EIPR1: variants seen among roughly 807,000 people sequenced by gnomAD.
EIPR1 encodes EARP complex and GARP complex interacting protein 1, also known as EARP and GARP complex-interacting protein 1.
Under a neutral mutation model 48.1 loss-of-function variants are expected in EIPR1, and 25 were observed. The observed-to-expected ratio is 0.52, with a 90% CI of 0.38 to 0.73. The LOEUF is 0.73. Among genes scored for constraint, EIPR1 ranks in the 30% least tolerant of loss-of-function variants. The probability of loss-of-function intolerance (pLI) is 0.00; values close to 1 mark genes in which losing one functional copy is unlikely to be tolerated. For missense variants in EIPR1, 415 were observed against 506.2 expected (o/e 0.82, Z 1.73); for synonymous variants, 204 against 201.9 (o/e 1.01, Z -0.09).
chr2:3,334,182 A>G (rs931599034), intron 3 of EIPR1, among the ~76,000 whole-genome samples: 1 of 152,244 alleles, frequency 6.6e-6, no homozygotes, highest in Non-Finnish European at 1.5e-5. Context: ...CCACCAGCCC[A>G]GGCACCGGCA....
chr2:3,325,702 C>A (rs1185965665), intron 3 of EIPR1, among the ~76,000 whole-genome samples: 1 of 152,200 alleles, frequency 6.6e-6, no homozygotes, highest in Non-Finnish European at 1.5e-5. Context: ...TGAAGGGACC[C>A]TCCACAAGCC....
intron 3 of EIPR1, 74 bp downstream of exon 3, chr2:3,337,943 C>G (rs1207903652): frequency 6.7e-7 from 1 of 1,493,474 alleles, no homozygotes; most frequent in Non-Finnish European, 9.0e-7. Flanking sequence ...GACCCATTAG[C>G]AATACAAAAC....
intron 3 of EIPR1, among the ~76,000 whole-genome samples, chr2:3,261,001 T>C (rs1270738486): frequency 6.6e-6 from 1 of 152,218 alleles, no homozygotes; most frequent in Admixed American, 6.5e-5. Flanking sequence ...GACCCAATAA[T>C]TCCACTCTTA....
chr2:3,194,000 A>G lies in EIPR1; in HGVS notation c.820T>C (p.Trp274Arg). Residue 274 changes from tryptophan (W) to arginine (R), a missense_variant and splice_region_variant, in exon 7 of 9, where the codon TGG (tryptophan) becomes CGG (arginine). By Grantham distance (101) the Trp-to-Arg change is moderately radical (BLOSUM62 -3). Transcript: ENST00000382125. Reference protein sequence around the residue: ...PVKTLEEHSHWVWNVRYNHSH... With the variant: ...PVKTLEEHSHRVWNVRYNHSH... ...TGAAGCAGCCAGGAGCGGCCCTACC[A>G]GTGGGAGTGCTCCTCCAGGGTCTTC... is the stretch of plus-strand genomic sequence containing the variant. The G allele has an allele frequency of 1.2e-6, 2 of 1,613,588 alleles. No homozygotes were observed. The highest frequency in any genetic ancestry group is 1.7e-6 in the Non-Finnish European group (2 of 1,179,956).
chr2:3,337,465 G>A (rs1670102291), intron 3 of EIPR1, among the ~76,000 whole-genome samples: 1 of 152,130 alleles, frequency 6.6e-6, no homozygotes, highest in Admixed American at 6.5e-5. Context: ...ACTCATTGAC[G>A]ATGACCAAAC....
chr2:3,348,925 C>T (rs766350684), intron 2 of EIPR1, among the ~76,000 whole-genome samples: 3 of 152,228 alleles, frequency 2.0e-5, no homozygotes, highest in Non-Finnish European at 4.4e-5. Context: ...GCCTTCCCGG[C>T]GTCTCTCCTG....
At chr2:3,246,161 A>G (rs1666787272) in intron 4 of EIPR1, among the ~76,000 whole-genome samples, 1 of 152,172 alleles carries the variant, frequency 6.6e-6, no homozygotes, top group Admixed American at 6.5e-5. Flanking sequence ...ACTCTCCTTA[A>G]TAGCAGAATC....
At position 3,305,456 on chromosome 2, in the gene EIPR1, T is replaced by TC. The variant is rs1336833100; in HGVS notation, c.259+32560dup. ...ACTCCCGTCCTGTTCAGCCCTCCAATCCCGTCCAGTTCAACCCTCCACTCC... is the reference window on the plus strand; with the variant it reads ...ACTCCCGTCCTGTTCAGCCCTCCAATCCCCGTCCAGTTCAACCCTCCACTCC... On this transcript the variant is annotated intron_variant, in intron 3 of 8. Coordinates refer to ENST00000382125, the MANE Select transcript of EIPR1 (RefSeq NM_003310.5). Among the ~76,000 whole-genome samples, 3 of 139,146 alleles carry TC rather than the reference T, an allele frequency of 2.2e-5. No individual in the cohort carries two copies. In the East Asian group the frequency reaches 6.5e-4, roughly 30 times the overall value. 91.3% of individuals were successfully genotyped at this position (139,146 alleles called of 152,430 possible). A position where few individuals can be genotyped will look rare whatever the true frequency, so the allele number is the denominator to read the frequency against.
chr2:3,220,258 AT>A (rs1241087458), intron 4 of EIPR1, among the ~76,000 whole-genome samples: 1 of 152,184 alleles, frequency 6.6e-6, no homozygotes, highest in Non-Finnish European at 1.5e-5. Context: ...ATTCTAGAGC[AT>A]TTATAGAGTC....
At chr2:3,236,381 G>A (rs1408297677) in intron 4 of EIPR1, among the ~76,000 whole-genome samples, 1 of 152,172 alleles carries the variant, frequency 6.6e-6, no homozygotes, top group Non-Finnish European at 1.5e-5. Context: ...GCCTGGCCCA[G>A]GGACATGAGC....
intron 3 of EIPR1, among the ~76,000 whole-genome samples, chr2:3,308,070 A>T (rs1669002218): frequency 6.6e-6 from 1 of 152,218 alleles, no homozygotes; most frequent in Non-Finnish European, 1.5e-5. Flanking sequence ...GCGCTGGCCG[A>T]CGCTGTCGGC....
At chr2:3,351,572 C>G (rs1670579072) in intron 2 of EIPR1, among the ~76,000 whole-genome samples, 1 of 152,172 alleles carries the variant, frequency 6.6e-6, no homozygotes, top group South Asian at 2.1e-4. Flanking sequence ...CTCCCCAACT[C>G]CCCTGTAGGC....
At chr2:3,337,797 C>G (rs1337907277) in intron 3 of EIPR1, among the ~76,000 whole-genome samples, 1 of 152,202 alleles carries the variant, frequency 6.6e-6, no homozygotes, top group East Asian at 1.9e-4. Flanking sequence ...TCAACGTTCT[C>G]AGAACAGCTG....
intron 5 of EIPR1, chr2:3,208,521 T>C: frequency 6.5e-7 from 1 of 1,545,432 alleles, no homozygotes; most frequent in African/African-American, 1.4e-5. Context: ...TGTGTCTGAT[T>C]AAAAGGACTA....
chr2:3,342,965 A>G (rs1670296116), intron 2 of EIPR1, among the ~76,000 whole-genome samples: 1 of 152,244 alleles, frequency 6.6e-6, no homozygotes, highest in Non-Finnish European at 1.5e-5. Context: ...GCTGAAATTT[A>G]TATTGCACCA....
intron 3 of EIPR1, among the ~76,000 whole-genome samples, chr2:3,330,007 C>T (rs1669837750): frequency 6.6e-6 from 1 of 151,960 alleles, no homozygotes; most frequent in Admixed American, 6.5e-5. Flanking sequence ...TGGGCTCCCC[C>T]AGATGACAGT....
intron 6 of EIPR1, among the ~76,000 whole-genome samples, chr2:3,194,765 C>CAG (rs1400052756): frequency 8.7e-5 from 13 of 150,192 alleles, no homozygotes; most frequent in East Asian, 3.9e-4. Flanking sequence ...TAGATATATA[C>CAG]AGAGAGAGAG....
chr2:3,235,980 C>T (rs1666392985), intron 4 of EIPR1, among the ~76,000 whole-genome samples: 4 of 152,186 alleles, frequency 2.6e-5, no homozygotes, highest in Middle Eastern at 6.8e-3. Context: ...GTGGGTTTTG[C>T]CAAATGGGCA....
At chr2:3,222,674 G>A (rs976271370) in intron 4 of EIPR1, among the ~76,000 whole-genome samples, 14 of 152,170 alleles carry the variant, frequency 9.2e-5, no homozygotes, top group Admixed American at 6.5e-4. Context: ...CTTGAGCCTC[G>A]GTACCAACTG....
Sources: gnomAD v4.1 joint callset for allele counts (sites outside exome capture counted in the v4.1 genomes callset) on GRCh38, gnomAD v4.1.1 for gene constraint, MANE v1.5 for transcripts, NCBI Gene and HGNC (gene_info 2026-07-23, HGNC 2026-07-21) for gene names.